IGSF3: variants seen among roughly 807,000 people sequenced by gnomAD.
IGSF3 encodes glu-Trp-Ile EWI motif-containing protein 3.
In IGSF3, 23 loss-of-function variants were observed where a neutral mutation model predicts 114.4. The observed-to-expected ratio is 0.20, with a 90% CI of 0.14 to 0.28. The LOEUF (loss-of-function observed/expected upper bound fraction) is 0.28, where lower values mean the gene tolerates loss of function less well. Ranked by LOEUF, IGSF3 falls within the 10% of genes least tolerant of loss-of-function variation. The pLI is 1.00. For missense variants in IGSF3, 1,172 were observed against 1,591.5 expected (o/e 0.74, Z 4.48); for synonymous variants, 571 against 645.2 (o/e 0.88, Z 1.74).
In IGSF3 at chr1:116,627,031, G is replaced by C. The variant is rs1223072834; in HGVS notation, c.44-10574C>G. Among the ~76,000 whole-genome samples the C allele has an allele frequency of 6.6e-6, 1 of 152,122 alleles. No individual in the cohort carries two copies. The highest frequency in any genetic ancestry group is 2.4e-5 in the African/African-American group (1 of 41,418). ...TTTCTAGAGGGGAAAAAAATTAAAAGGCAAGATCAGATTACTTGCCTGTAA... is the reference window on the plus strand; with the variant it reads ...TTTCTAGAGGGGAAAAAAATTAAAACGCAAGATCAGATTACTTGCCTGTAA... On this transcript the variant is annotated intron_variant, in intron 2 of 10. Transcript: ENST00000369486. The surrounding 1 kb of genome is among the most constrained non-coding windows in gnomAD (Gnocchi z 4.7).
At chr1:116,659,545 C>T (rs1271184127) in intron 2 of IGSF3, among the ~76,000 whole-genome samples, 4 of 152,176 alleles carry the variant, frequency 2.6e-5, no homozygotes, top group Admixed American at 2.6e-4. Flanking sequence ...TAGCTGTGTT[C>T]ACTTTGAAGC....
rs531705360 is a variant in IGSF3, at chr1:116,634,677, G to A, written c.44-18220C>T. ...CAATGACATCTCCCGTGCCTGCTCTGCTTACCCATGGCTTTGACACTCCTT... is the reference window on the plus strand; with the variant it reads ...CAATGACATCTCCCGTGCCTGCTCTACTTACCCATGGCTTTGACACTCCTT... On this transcript the variant is annotated intron_variant, in intron 2 of 10. Transcript: ENST00000369486. This position sits in a 1 kb window ranked among gnomAD's most constrained non-coding sequence, Gnocchi z 4.2. 7.9e-5 allele frequency among the ~76,000 whole-genome samples: 12 copies of A among 152,252 alleles called. No individual in the cohort carries two copies. The highest frequency in any genetic ancestry group is 3.9e-4 in the East Asian group (2 of 5,186).
Position 116,662,074 on chromosome 1 carries a change from CTCTT to C in IGSF3, c.43+4206_43+4209del, listed in dbSNP as rs1382248261. ...TCAGCAATCTATCTTAGGCAAGTGACTCTTTTTTTTTTTTTGAGACAGAGTTTTG... is the reference window on the plus strand; with the variant it reads ...TCAGCAATCTATCTTAGGCAAGTGACTTTTTTTTTTTGAGACAGAGTTTTG... On this transcript the variant is annotated intron_variant, in intron 2 of 10. Coordinates refer to ENST00000369486, the MANE Select transcript of IGSF3 (RefSeq NM_001007237.3). This position sits in a 1 kb window ranked among gnomAD's most constrained non-coding sequence, Gnocchi z 4.3. Among the ~76,000 whole-genome samples the C allele has an allele frequency of 6.6e-6, 1 of 151,724 alleles. No homozygotes were observed. Among genetic ancestry groups the C allele is most frequent in the Admixed American group, 6.6e-5 (1 of 15,222 alleles).
At chr1:116,646,523 G>C (rs755771903) in intron 2 of IGSF3, among the ~76,000 whole-genome samples, 1 of 152,178 alleles carries the variant, frequency 6.6e-6, no homozygotes, top group Non-Finnish European at 1.5e-5. Context: ...CAGTCAAGGA[G>C]AGAATCTCCT....
In IGSF3 at chr1:116,634,589, G is replaced by A. The variant is rs779595792; in HGVS notation, c.44-18132C>T. 2.6e-5 allele frequency among the ~76,000 whole-genome samples: 4 copies of A among 152,200 alleles called. No homozygotes were observed. The highest frequency in any genetic ancestry group is 6.5e-5 in the Admixed American group (1 of 15,286). On this transcript the variant is annotated intron_variant, in intron 2 of 10. Transcript: ENST00000369486. The surrounding 1 kb of genome is among the most constrained non-coding windows in gnomAD (Gnocchi z 4.2). Reference sequence around the variant, plus strand: ...GGCACTCTCCATTCCCTGCTATGAGGGAGTTCATTTGTTCATGCAATTTCC... The same window carrying A: ...GGCACTCTCCATTCCCTGCTATGAGAGAGTTCATTTGTTCATGCAATTTCC...
chr1:116,595,184 C>T lies in IGSF3; in HGVS notation c.2029+4757G>A, dbSNP rs1327783172. ...CCCAGATGTGCCCTACCCTGCCTTA[C>T]CTGTCTGCAGGTAGGGCAGTGACCC... On this transcript the variant is annotated intron_variant, in intron 7 of 10. Transcript: ENST00000369486. The surrounding 1 kb of genome is among the most constrained non-coding windows in gnomAD (Gnocchi z 4.2). 6.6e-6 allele frequency among the ~76,000 whole-genome samples: 1 copy of T among 152,202 alleles called. No individual in the cohort carries two copies. Among genetic ancestry groups the T allele is most frequent in the African/African-American group, 2.4e-5 (1 of 41,456 alleles).
chr1:116,667,032 C>T lies in IGSF3; in HGVS notation c.-630-76G>A, dbSNP rs192012203. The T allele has an allele frequency of 1.1e-3, 418 of 394,780 alleles. 1 individual carries two copies. The highest frequency in any genetic ancestry group is 3.2e-3 in the Middle Eastern group (5 of 1,570). 24.5% of individuals were successfully genotyped at this position (394,780 alleles called of 1,614,324 possible). ...ACTGGGGCTGAGCGCTGAGCTGGTC[C>T]GGACACCTGGGTCCGGTTCCTGGAC... On this transcript the variant is annotated intron_variant, in intron 1 of 10. Coordinates refer to ENST00000369486, the MANE Select transcript of IGSF3 (RefSeq NM_001007237.3).
At chr1:116,652,110 G>A (rs1250974298) in intron 2 of IGSF3, among the ~76,000 whole-genome samples, 1 of 152,198 alleles carries the variant, frequency 6.6e-6, no homozygotes, top group Non-Finnish European at 1.5e-5. Flanking sequence ...TGATACTGAT[G>A]ATATAAGGTT....
chr1:116,641,495 C>CAA (rs57930787), intron 2 of IGSF3, among the ~76,000 whole-genome samples: 2,045 of 40,458 alleles, frequency 0.051, 177 homozygotes, highest in African/African-American at 0.14. Flanking sequence ...GACTCTGTCT[C>CAA]AAAAAAAAAA....
At position 116,624,606 on chromosome 1, in the gene IGSF3, A is replaced by G. The variant is rs1661521358; in HGVS notation, c.44-8149T>C. 6.6e-6 allele frequency among the ~76,000 whole-genome samples: 1 copy of G among 152,184 alleles called. No homozygotes were observed. Among genetic ancestry groups the G allele is most frequent in the African/African-American group, 2.4e-5 (1 of 41,440 alleles). On this transcript the variant is annotated intron_variant, in intron 2 of 10. Coordinates refer to ENST00000369486, the MANE Select transcript of IGSF3 (RefSeq NM_001007237.3). This position sits in a 1 kb window ranked among gnomAD's most constrained non-coding sequence, Gnocchi z 4.9. ...GTATTCTCCAGACACAGCAGTAACA[A>G]TATCTCCTTCCCACATGCTCTTTTG...
chr1:116,584,765 C>G lies in IGSF3; in HGVS notation c.2728G>C (p.Val910Leu), dbSNP rs1185621363. 1.9e-6 allele frequency: 3 copies of G among 1,614,228 alleles called. No individual in the cohort carries two copies. Among genetic ancestry groups the G allele is most frequent in the Non-Finnish European group, 2.5e-6 (3 of 1,180,034 alleles). The change falls in exon 9 of 11, where the codon GTG becomes CTG. Residue 910 changes from valine (V) to leucine (L), a missense_variant. Val to Leu is a conservative substitution (Grantham distance 32). Around this residue, in one of 3 missense-constraint regions of IGSF3, gnomAD observed 423 missense variants for 509.8 expected, o/e 0.83. Coordinates refer to ENST00000369486, the MANE Select transcript of IGSF3 (RefSeq NM_001007237.3). The surrounding 1 kb of genome is among the most constrained non-coding windows in gnomAD (Gnocchi z 5.8). ...CAGCTGTAGGTCCCGCTGTCCTGCA[C>G]AGCCACGTTCTGGATGAAGAGACGG... ...VYRLFIQNVA[V>L]QDSGTYSCHV... is the part of the protein sequence containing the mutation.
chr1:116,634,527 C>T lies in IGSF3; in HGVS notation c.44-18070G>A, dbSNP rs1343571139. 1.3e-5 allele frequency among the ~76,000 whole-genome samples: 2 copies of T among 152,232 alleles called. No homozygotes were observed. Among genetic ancestry groups the T allele is most frequent in the Admixed American group, 6.5e-5 (1 of 15,288 alleles). On this transcript the variant is annotated intron_variant, in intron 2 of 10. Coordinates refer to ENST00000369486, the MANE Select transcript of IGSF3 (RefSeq NM_001007237.3). The surrounding 1 kb of genome is among the most constrained non-coding windows in gnomAD (Gnocchi z 4.2). ...TCACTCGCTGCCTCCTCTCTTGCTT[C>T]TCTCCCAGTTCTCAGTTTGCCCATC...
chr1:116,620,270 T>TA (rs758558433), intron 2 of IGSF3, among the ~76,000 whole-genome samples: 3 of 152,116 alleles, frequency 2.0e-5, no homozygotes, highest in Non-Finnish European at 4.4e-5. Flanking sequence ...TGGCCACGCT[T>TA]AGAGTTGTGG....
At position 116,610,886 on chromosome 1, in the gene IGSF3, T is replaced by C. The variant is rs1204772034; in HGVS notation, c.833-2555A>G. 5.3e-5 allele frequency among the ~76,000 whole-genome samples: 8 copies of C among 152,310 alleles called. No homozygotes were observed. Among genetic ancestry groups the C allele is most frequent in the African/African-American group, 1.9e-4 (8 of 41,570 alleles). On this transcript the variant is annotated intron_variant, in intron 4 of 10. Transcript: ENST00000369486. This position sits in a 1 kb window ranked among gnomAD's most constrained non-coding sequence, Gnocchi z 4.3. Reference sequence around the variant, plus strand: ...AGAGTCTACCTGATGGATGGGCTCTTTCATTAGAATTTACAAAAACAAAAG... The same window carrying C: ...AGAGTCTACCTGATGGATGGGCTCTCTCATTAGAATTTACAAAAACAAAAG...
Position 116,583,073 on chromosome 1 carries a change from T to C in IGSF3, c.2848+1572A>G, listed in dbSNP as rs1050066968. 6.6e-6 allele frequency among the ~76,000 whole-genome samples: 1 copy of C among 152,186 alleles called. No homozygotes were observed. The highest frequency in any genetic ancestry group is 2.4e-5 in the African/African-American group (1 of 41,430). On this transcript the variant is annotated intron_variant, in intron 9 of 10. Coordinates refer to ENST00000369486, the MANE Select transcript of IGSF3 (RefSeq NM_001007237.3). The surrounding 1 kb of genome is among the most constrained non-coding windows in gnomAD (Gnocchi z 4.5). Reference sequence around the variant, plus strand: ...GGGTGGTCACTCTGCCTGCACCTGCTGGCTGGGTGGTGATTCGCTCCATGC... The same window carrying C: ...GGGTGGTCACTCTGCCTGCACCTGCCGGCTGGGTGGTGATTCGCTCCATGC...
In IGSF3 at chr1:116,613,874, C is replaced by T. The variant is rs769198902; in HGVS notation, c.723G>A (p.Gln241=). 2 of 1,614,020 alleles carry T rather than the reference C, an allele frequency of 1.2e-6. No individual in the cohort carries two copies. The highest frequency in any genetic ancestry group is 2.2e-5 in the South Asian group (2 of 91,072). The change falls in exon 4 of 11, where the codon CAG becomes CAA. Residue 241 remains glutamine, a synonymous_variant. Transcript: ENST00000369486. ...CGGCGGCCTCGCAGTAGAATTCGCC[C>T]TGGTCAGAAGGCTGCAGGTGGAAGA... ...LTIFHLQPSD[Q]GEFYCEAAEW... is the part of the protein sequence containing the mutation.
intron 4 of IGSF3, 58 bp from the exon 5 acceptor site, chr1:116,608,389 T>C (rs1291174235): frequency 1.8e-5 from 22 of 1,246,868 alleles, no homozygotes; most frequent in Non-Finnish European, 2.5e-5. Context: ...CCCAGCCAAC[T>C]AAACCACATT....
rs538412959 is a variant in IGSF3 at position 116,597,685 on chromosome 1, C to T, written c.2029+2256G>A. 3.5e-3 allele frequency among the ~76,000 whole-genome samples: 540 copies of T among 152,318 alleles called. 2 individuals are homozygous for T. The highest frequency in any genetic ancestry group is 0.013 in the African/African-American group (521 of 41,562). ...ACTCAAGACACCCAAGACACAAAGA[C>T]GACCTCAGAGCAGATCTGGGGTCTC... On this transcript the variant is annotated intron_variant, in intron 7 of 10. Coordinates refer to ENST00000369486, the MANE Select transcript of IGSF3 (RefSeq NM_001007237.3).
rs1235496988 is a variant in IGSF3 at position 116,629,547 on chromosome 1, A to T, written c.44-13090T>A. 6.6e-6 allele frequency among the ~76,000 whole-genome samples: 1 copy of T among 152,150 alleles called. No homozygotes were observed. The highest frequency in any genetic ancestry group is 2.4e-5 in the African/African-American group (1 of 41,446). ...TGGTACAGATGAATTCAGGTTGTGT[A>T]AGTGGAGAGGAGGGAGGTGGCCAAG... On this transcript the variant is annotated intron_variant, in intron 2 of 10. Coordinates refer to ENST00000369486, the MANE Select transcript of IGSF3 (RefSeq NM_001007237.3). This position sits in a 1 kb window ranked among gnomAD's most constrained non-coding sequence, Gnocchi z 4.3.
Sources: gnomAD v4.1 joint callset for allele counts (sites outside exome capture counted in the v4.1 genomes callset) on GRCh38, gnomAD v4.1.1 for gene constraint, gnomAD v4.1.1 regional missense constraint, Gnocchi (gnomAD v3.1) non-coding constraint, MANE v1.5 for transcripts, NCBI Gene and HGNC (gene_info 2026-07-23, HGNC 2026-07-21) for gene names.